The following APOL1 variants were observed in gnomAD, a reference collection of about 807,000 sequenced individuals.
APOL1 encodes the protein apolipoprotein L 1.
Under a neutral mutation model 14.9 loss-of-function variants are expected in APOL1, and 17 were observed. The ratio of observed to expected loss-of-function variants is 1.14; its 90% CI spans 0.78 to 1.71. The LOEUF (loss-of-function observed/expected upper bound fraction) is 1.71. Ranked by LOEUF, APOL1 falls within the 40% of genes most tolerant of loss-of-function variation. APOL1 has a pLI of 0.00. For synonymous variants in APOL1, 195 were observed against 184.8 expected, an observed-to-expected ratio of 1.05 and a Z score of -0.45; for missense variants, 523 against 485.9, an observed-to-expected ratio of 1.08 and a Z score of -0.72.
At chr22:36,254,856 C>T in intron 1 of APOL1, 81 bp from the exon 2 acceptor site, 2 of 1,571,938 alleles carry the variant, frequency 1.3e-6, no homozygotes, top group East Asian at 2.3e-5. Flanking sequence ...GAGCGAGACT[C>T]CATTTCAAAA....
rs1261856584 is a variant in APOL1, at chr22:36,267,405, A to G, written c.*1372A>G. On this transcript the variant is annotated 3_prime_UTR_variant, in exon 6 of 6. Transcript: ENST00000397278. The stretch of plus-strand genomic sequence containing the variant: ...CATCGCTCTTACCCGGTAAGTAAAC[A>G]GTCAGAAAATTAGCATGAAAGCAGT... The G allele has an allele frequency of 1.3e-5, 2 of 152,390 alleles. No homozygotes were observed. The highest frequency in any genetic ancestry group is 3.9e-4 in the East Asian group (2 of 5,188). The allele number at this position is 152,390 out of a possible 1,614,324, so 9.4% of individuals were successfully genotyped here.
Position 36,265,228 on chromosome 22 carries a change from A to C in APOL1, c.392A>C (p.Asp131Ala), listed in dbSNP as rs367662496. Residue 131 changes from aspartate to alanine, a missense_variant, in exon 6 of 6, where the codon GAT (aspartate) becomes GCT (alanine). Physicochemically the swap from Asp to Ala is moderately radical, Grantham distance 126. Transcript: ENST00000397278. ...ATCATGAAAGACAAAAACTGGCACG[A>C]TAAAGGCCAGCAGTACAGAAACTGG... ...QMIMKDKNWH[D>A]KGQQYRNWFL... 1 of 1,614,114 alleles carries C rather than the reference A, an allele frequency of 6.2e-7. No individual in the cohort carries two copies. The highest frequency in any genetic ancestry group is 2.2e-5 in the East Asian group (1 of 44,902).
rs1015586986 is a variant in APOL1, at chr22:36,254,081, C to A, written c.-19-856C>A. On this transcript the variant is annotated intron_variant, in intron 1 of 5. Coordinates refer to ENST00000397278, the MANE Select transcript of APOL1 (RefSeq NM_003661.4). ...AAACTTTTGGATTATTAAAATCAAA[C>A]ATTTTTGCTTCAATATTAGAGTCAC... 31 of 1,500,640 alleles carry A rather than the reference C, an allele frequency of 2.1e-5. No individual in the cohort carries two copies. In the Middle Eastern group the frequency reaches 8.5e-4, roughly 41 times the overall value. The allele number at this position is 1,500,640 out of a possible 1,614,324, so 93.0% of individuals were successfully genotyped here.
intron 1 of APOL1, chr22:36,253,782 G>A: frequency 1.5e-6 from 1 of 657,624 alleles, no homozygotes; most frequent in Non-Finnish European, 2.6e-6. Flanking sequence ...AGGAGGCTGA[G>A]CAGGTAGATC....
chr22:36,259,769 G>C (rs1475258335), intron 4 of APOL1: 1 of 1,304,244 alleles, frequency 7.7e-7, no homozygotes, highest in Non-Finnish European at 1.0e-6. Context: ...TCAGTGCTGA[G>C]GGTCCCGCCC....
chr22:36,253,431 C>T (rs892540082), intron 1 of APOL1, among the ~76,000 whole-genome samples: 2 of 152,148 alleles, frequency 1.3e-5, no homozygotes, highest in Admixed American at 6.5e-5. Context: ...CACAAAGCTC[C>T]CTGGGCTCAG....
At chr22:36,253,293 G>T (rs919576117) in intron 1 of APOL1, 74 bp downstream of exon 1, 1 of 313,842 alleles carries the variant, frequency 3.2e-6, no homozygotes, top group Admixed American at 3.8e-5. Flanking sequence ...GAGGTTAGGT[G>T]ACTGGTTCAG....
At chr22:36,257,706 G>GAGTGTGGC in intron 4 of APOL1, 1 of 247,746 alleles carries the variant, frequency 4.0e-6, no homozygotes, top group Non-Finnish European at 7.9e-6. Context: ...CGGGGGGGGG[G>GAGTGTGGC]GGGAGTGTGG....
intron 5 of APOL1, among the ~76,000 whole-genome samples, chr22:36,262,125 A>C (rs1204257021): frequency 2.5e-5 from 3 of 120,730 alleles, no homozygotes; most frequent in Non-Finnish European, 6.1e-5. Flanking sequence ...TGGAAACAGA[A>C]CCAGGGTTAA....
At chr22:36,255,891 C>T (rs1382225906) in intron 2 of APOL1, among the ~76,000 whole-genome samples, 2 of 150,280 alleles carry the variant, frequency 1.3e-5, no homozygotes, top group Non-Finnish European at 3.0e-5. Flanking sequence ...TTATTTGTAC[C>T]CTCCCTCTAT....
chr22:36,261,810 C>T, intron 5 of APOL1, 88 bp downstream of exon 5: 2 of 1,492,778 alleles, frequency 1.3e-6, no homozygotes, highest in Non-Finnish European at 1.8e-6. Flanking sequence ...AGGCACACCT[C>T]CTCCAGGCAG....
In APOL1 at chr22:36,266,325, T is replaced by G. The variant is rs9610472; in HGVS notation, c.*292T>G. On this transcript the variant is annotated 3_prime_UTR_variant, in exon 6 of 6. Transcript: ENST00000397278. The stretch of plus-strand genomic sequence containing the variant: ...AGGATGGTCTCGATCTCCTGACCTC[T>G]TGATCTGCCCACCTTGGCCTCCCAA... 0.11 allele frequency: 46,028 copies of G among 407,958 alleles called. 3,163 individuals carry two copies. The highest frequency in any genetic ancestry group is 0.14 in the Non-Finnish European group (33,221 of 230,724). 25.3% of individuals were successfully genotyped at this position (407,958 alleles called of 1,614,324 possible).
chr22:36,264,833 G>A (rs915477633), intron 5 of APOL1, among the ~76,000 whole-genome samples: 3 of 108,572 alleles, frequency 2.8e-5, no homozygotes, highest in Admixed American at 1.1e-4. Flanking sequence ...TTTTTTTTGA[G>A]TTGGAGTCTT....
chr22:36,261,059 G>T (rs898898384), intron 4 of APOL1, among the ~76,000 whole-genome samples: 5 of 152,176 alleles, frequency 3.3e-5, no homozygotes, highest in Non-Finnish European at 4.4e-5. Context: ...GAGCTGAAAA[G>T]GATTCATTCC....
At chr22:36,258,160 CTGTGTTAGGG>C (rs1288201176) in intron 4 of APOL1, among the ~76,000 whole-genome samples, 1 of 152,122 alleles carries the variant, frequency 6.6e-6, no homozygotes, top group Non-Finnish European at 1.5e-5. Flanking sequence ...CCCCCCCCAG[CTGTGTTAGGG>C]CACCCGCCCT....
At position 36,255,089 on chromosome 22, in the gene APOL1, C is replaced by T. The variant is rs937054402; in HGVS notation, c.44+90C>T. 23 of 1,460,108 alleles carry T rather than the reference C, an allele frequency of 1.6e-5. No homozygotes were observed. The African/African-American group carries it at 2.2e-4, about 14-fold the overall frequency. The allele number at this position is 1,460,108 out of a possible 1,614,324, so 90.4% of individuals were successfully genotyped here. ...TGGGCTTGGGCTGGGCCAGGGCCAT[C>T]TGGGCTTCTTCTAGGAACCAAAGTC... On this transcript the variant is annotated intron_variant, in intron 2 of 5. Coordinates refer to ENST00000397278, the MANE Select transcript of APOL1 (RefSeq NM_003661.4).
At chr22:36,254,826 G>A in intron 1 of APOL1, 111 bp from the exon 2 acceptor site, 1 of 1,413,372 alleles carries the variant, frequency 7.1e-7, no homozygotes, top group Non-Finnish European at 9.9e-7. Flanking sequence ...TCGCCCCACT[G>A]CACTCCAGCC....
Position 36,265,698 on chromosome 22 carries a change from C to G in APOL1, c.862C>G (p.Arg288Gly), listed in dbSNP as rs186196175. 6.2e-7 allele frequency: 1 copy of G among 1,610,150 alleles called. No individual in the cohort carries two copies. The highest frequency in any genetic ancestry group is 8.5e-7 in the Non-Finnish European group (1 of 1,177,658). ...GIGKDIRALR[R>G]ARANLQSVPH... ...TGGGAAGGACATCCGTGCCCTCAGACGAGCCAGAGCCAATCTTCAGTCAGT... is the reference window on the plus strand; with the variant it reads ...TGGGAAGGACATCCGTGCCCTCAGAGGAGCCAGAGCCAATCTTCAGTCAGT... The change falls in exon 6 of 6, where the codon CGA (arginine) becomes GGA (glycine). Residue 288 changes from arginine to glycine, a missense_variant. Transcript: ENST00000397278.
At position 36,265,936 on chromosome 22, in the gene APOL1, C is replaced by T. The variant is rs1392785458; in HGVS notation, c.1100C>T (p.Thr367Ile). 2 of 1,614,026 alleles carry T rather than the reference C, an allele frequency of 1.2e-6. No individual in the cohort carries two copies. Among genetic ancestry groups the T allele is most frequent in the Non-Finnish European group, 1.7e-6 (2 of 1,180,032 alleles). The change falls in exon 6 of 6, where the codon ACA becomes ATA. Residue 367 changes from threonine to isoleucine, a missense_variant. Thr to Ile is a moderately conservative substitution (Grantham distance 89). Transcript: ENST00000397278. Reference sequence around the variant, plus strand: ...TTACATGAGGGGGCAAAGTCAGAGACAGCTGAGGAGCTGAAGAAGGTGGCT... The same window carrying T: ...TTACATGAGGGGGCAAAGTCAGAGATAGCTGAGGAGCTGAAGAAGGTGGCT... ...KHLHEGAKSE[T>I]AEELKKVAQE...
Sources: allele counts gnomAD v4.1 joint callset (sites outside exome capture counted in the v4.1 genomes callset), GRCh38; gene constraint gnomAD v4.1.1; transcripts MANE v1.5; gene names NCBI Gene and HGNC (gene_info 2026-07-23, HGNC 2026-07-21).